CDH12: variants seen among roughly 807,000 people sequenced by gnomAD.
CDH12 encodes cadherin-12.
A neutral mutation model predicts 74.1 loss-of-function variants in CDH12; 41 were observed. The observed-to-expected ratio is 0.55, with a 90% confidence interval of 0.43 to 0.72. CDH12 has a LOEUF of 0.72. CDH12 is among the 30% of genes least tolerant of loss of function. The pLI, the probability that CDH12 is intolerant of heterozygous loss-of-function variation, is 0.00. For synonymous variants in CDH12, 399 were observed against 355.0 expected (o/e 1.12, Z -1.39); for missense variants, 945 against 977.2 (o/e 0.97, Z 0.44).
At position 22,102,407 on chromosome 5, in the gene CDH12, G is replaced by A. The variant is rs146105566; in HGVS notation, c.-186-23545C>T. On this transcript the variant is annotated intron_variant, in intron 4 of 14. Transcript: ENST00000382254. ...CCCCTGGCAGGGCACGGTGGCTCAC[G>A]CCTGTTATCCCAGCACTTTGGGAGG... Among the ~76,000 whole-genome samples, 106 of 152,244 alleles carry A rather than the reference G, an allele frequency of 7.0e-4. No individual in the cohort carries two copies. In the East Asian group the frequency reaches 0.018, roughly 26 times the overall value.
intron 4 of CDH12, among the ~76,000 whole-genome samples, chr5:22,178,740 T>C (rs1749473344): frequency 1.3e-5 from 2 of 152,204 alleles, no homozygotes; most frequent in African/African-American, 4.8e-5. Flanking sequence ...ATAAACTTGT[T>C]GTTTTGTGGT....
chr5:22,296,173 G>T (rs2150416401), intron 3 of CDH12, among the ~76,000 whole-genome samples: 1 of 151,896 alleles, frequency 6.6e-6, no homozygotes, highest in African/African-American at 2.4e-5. Context: ...TATATTTATT[G>T]TTCAGTAACA....
At chr5:22,066,709 A>G (rs906728528) in intron 5 of CDH12, among the ~76,000 whole-genome samples, 3 of 152,180 alleles carry the variant, frequency 2.0e-5, no homozygotes, top group Non-Finnish European at 4.4e-5. Flanking sequence ...AACAATAATA[A>G]AGCCAAGCAA....
intron 1 of CDH12, chr5:22,580,581 A>G (rs1740038129): frequency 2.1e-6 from 1 of 471,336 alleles, no homozygotes; most frequent in African/African-American, 2.0e-5. Context: ...TGCTCACTCC[A>G]TAAACTTTTG....
intron 1 of CDH12, among the ~76,000 whole-genome samples, chr5:22,546,119 C>T (rs1414843642): frequency 9.2e-5 from 14 of 151,840 alleles, no homozygotes; most frequent in African/African-American, 7.3e-5. Flanking sequence ...TTATTTTTTG[C>T]GTTTTTAGTA....
intron 3 of CDH12, among the ~76,000 whole-genome samples, chr5:22,266,327 C>T (rs929062980): frequency 1.3e-5 from 2 of 152,050 alleles, no homozygotes; most frequent in Non-Finnish European, 2.9e-5. Context: ...CCCACCTCGG[C>T]CTCCCAAAGT....
chr5:22,433,804 C>G (rs571765018), intron 2 of CDH12, among the ~76,000 whole-genome samples: 1 of 152,210 alleles, frequency 6.6e-6, no homozygotes, highest in South Asian at 2.1e-4. Context: ...TATGTGTGTA[C>G]CCATTTTATC....
At chr5:22,365,867 G>A (rs955718356) in intron 3 of CDH12, among the ~76,000 whole-genome samples, 3 of 152,136 alleles carry the variant, frequency 2.0e-5, no homozygotes, top group African/African-American at 4.8e-5. Flanking sequence ...AGGCAGAGGA[G>A]CATTAACAGT....
At chr5:21,874,792 T>C (rs1751842332) in intron 6 of CDH12, among the ~76,000 whole-genome samples, 1 of 152,170 alleles carries the variant, frequency 6.6e-6, no homozygotes, top group African/African-American at 2.4e-5. Flanking sequence ...GCGGTGCCCA[T>C]TGCTGCTCCC....
At chr5:22,095,803 T>C (rs1743734195) in intron 4 of CDH12, among the ~76,000 whole-genome samples, 1 of 150,916 alleles carries the variant, frequency 6.6e-6, no homozygotes, top group South Asian at 2.1e-4. Context: ...CTTATCTCTG[T>C]GCTCTGATCC....
At chr5:22,274,513 T>C (rs1336142600) in intron 3 of CDH12, among the ~76,000 whole-genome samples, 1 of 152,092 alleles carries the variant, frequency 6.6e-6, no homozygotes, top group Non-Finnish European at 1.5e-5. Flanking sequence ...TTTAAATGGA[T>C]ATAATTTTAT....
chr5:22,009,011 A>G (rs1737132519), intron 5 of CDH12, among the ~76,000 whole-genome samples: 1 of 152,184 alleles, frequency 6.6e-6, no homozygotes, highest in South Asian at 2.1e-4. Context: ...TCTAAGCTCT[A>G]CCTGGACTAT....
At chr5:22,728,765 G>A (rs1240103002) in intron 1 of CDH12, among the ~76,000 whole-genome samples, 2 of 151,806 alleles carry the variant, frequency 1.3e-5, no homozygotes, top group African/African-American at 2.4e-5. Flanking sequence ...GGAGAGCAGA[G>A]AGAGAGAGGA....
intron 5 of CDH12, among the ~76,000 whole-genome samples, chr5:22,046,533 G>A (rs1294637398): frequency 6.8e-6 from 1 of 147,792 alleles, no homozygotes; most frequent in African/African-American, 2.5e-5. Context: ...CCGGGTTCAC[G>A]CCATTCTCCT....
intron 6 of CDH12, among the ~76,000 whole-genome samples, chr5:21,934,116 ACACACACACACT>A (rs1440895092): frequency 1.3e-5 from 2 of 151,778 alleles, no homozygotes; most frequent in Non-Finnish European, 2.9e-5. Flanking sequence ...ACACACACCC[ACACACACACACT>A]CACACACACA....
intron 1 of CDH12, among the ~76,000 whole-genome samples, chr5:22,614,358 T>G (rs1449363198): frequency 6.9e-6 from 1 of 144,670 alleles, no homozygotes. Flanking sequence ...TGCAGGAGAA[T>G]TGTGGACAGG....
At chr5:22,657,645 G>A (rs1341485559) in intron 1 of CDH12, among the ~76,000 whole-genome samples, 1 of 152,072 alleles carries the variant, frequency 6.6e-6, no homozygotes, top group Non-Finnish European at 1.5e-5. Flanking sequence ...TTTCTATGGT[G>A]ACATTTATCA....
intron 5 of CDH12, among the ~76,000 whole-genome samples, chr5:21,996,688 T>G (rs1196931872): frequency 2.0e-5 from 3 of 152,226 alleles, no homozygotes; most frequent in South Asian, 2.1e-4. Flanking sequence ...ATTATGTTCC[T>G]ATAAAATTTA....
At chr5:22,710,390 G>GA (rs1411918832) in intron 1 of CDH12, among the ~76,000 whole-genome samples, 1 of 152,126 alleles carries the variant, frequency 6.6e-6, no homozygotes, top group Non-Finnish European at 1.5e-5. Flanking sequence ...GTGCTGTTCA[G>GA]ATTATAAAAC....
Sources: gnomAD v4.1 joint callset for allele counts (sites outside exome capture counted in the v4.1 genomes callset) on GRCh38, gnomAD v4.1.1 for gene constraint, MANE v1.5 for transcripts, NCBI Gene and HGNC (gene_info 2026-07-23, HGNC 2026-07-21) for gene names.